Variants in VPS35L observed in about 807,000 individuals in gnomAD.
VPS35L encodes VPS35 endosomal protein-sorting factor-like.
VPS35L carries 83 observed loss-of-function variants against 133.0 expected under a neutral mutation model. The observed-to-expected ratio is 0.62, with a 90% confidence interval of 0.52 to 0.75. The LOEUF is 0.75. Ranked by LOEUF, VPS35L falls within the 30% of genes least tolerant of loss-of-function variation. The pLI is 0.00. For missense variants in VPS35L, 1,083 were observed against 1,206.8 expected (o/e 0.90, Z 1.52); for synonymous variants, 423 against 449.9 (o/e 0.94, Z 0.76).
intron 27 of VPS35L, among the ~76,000 whole-genome samples, chr16:19,680,088 C>T (rs1975215658): frequency 6.6e-6 from 1 of 152,168 alleles, no homozygotes; most frequent in Non-Finnish European, 1.5e-5. Context: ...ACTCTGGAGC[C>T]AAACTCCTGG....
intron 26 of VPS35L, among the ~76,000 whole-genome samples, chr16:19,659,007 C>G (rs1974395928): frequency 6.6e-6 from 1 of 152,222 alleles, no homozygotes; most frequent in Non-Finnish European, 1.5e-5. Flanking sequence ...GATTTAACCA[C>G]TGTGCCTCTC....
chr16:19,571,470 G>A (rs1372013883), intron 3 of VPS35L, among the ~76,000 whole-genome samples: 1 of 152,060 alleles, frequency 6.6e-6, no homozygotes, highest in Non-Finnish European at 1.5e-5. Flanking sequence ...TCCTGCCTTG[G>A]CCTACCAGAG....
At chr16:19,682,422 C>G in intron 28 of VPS35L, 32 bp downstream of exon 28, 4 of 1,590,858 alleles carry the variant, frequency 2.5e-6, no homozygotes. Flanking sequence ...AACCATGCTC[C>G]GCATGGATTT....
At chr16:19,684,370 A>T (rs1417355895) in intron 28 of VPS35L, among the ~76,000 whole-genome samples, 1 of 152,066 alleles carries the variant, frequency 6.6e-6, no homozygotes, top group Non-Finnish European at 1.5e-5. Flanking sequence ...TAAAAAACCA[A>T]CTCTACACTT....
At chr16:19,648,628 G>A (rs1974026992) in intron 24 of VPS35L, among the ~76,000 whole-genome samples, 1 of 152,128 alleles carries the variant, frequency 6.6e-6, no homozygotes, top group African/African-American at 2.4e-5. Context: ...AGCACTTTGG[G>A]AGTCTGAGGC....
intron 15 of VPS35L, among the ~76,000 whole-genome samples, chr16:19,626,473 T>A (rs1419960264): frequency 6.6e-6 from 1 of 152,094 alleles, no homozygotes; most frequent in Non-Finnish European, 1.5e-5. Flanking sequence ...GTAATAATAG[T>A]TCTTTCAACT....
intron 14 of VPS35L, among the ~76,000 whole-genome samples, chr16:19,623,016 C>T (rs116244275): frequency 0.012 from 1,893 of 152,234 alleles, 37 homozygotes; most frequent in African/African-American, 0.042. Context: ...CCAGGCATCA[C>T]GTCCAGAGCC....
At chr16:19,694,095 T>C (rs1157828737) in intron 29 of VPS35L, 2 of 152,180 alleles carry the variant, frequency 1.3e-5, no homozygotes, top group Non-Finnish European at 2.9e-5. Flanking sequence ...CTTGAAATGT[T>C]CTGTACACAT....
chr16:19,668,467 C>T (rs1974767730), intron 26 of VPS35L, among the ~76,000 whole-genome samples: 1 of 152,102 alleles, frequency 6.6e-6, no homozygotes, highest in South Asian at 2.1e-4. Context: ...CTCTCCACTC[C>T]TTTTCTTCCT....
intron 5 of VPS35L, among the ~76,000 whole-genome samples, chr16:19,577,896 C>A (rs1270727454): frequency 1.3e-5 from 2 of 152,218 alleles, no homozygotes; most frequent in African/African-American, 4.8e-5. Flanking sequence ...TGATCTTGGA[C>A]TTCCCAGCCT....
intron 4 of VPS35L, 45 bp from the exon 5 acceptor site, chr16:19,575,053 C>T (rs753062235): frequency 3.3e-6 from 5 of 1,514,814 alleles, no homozygotes; most frequent in Non-Finnish European, 4.5e-6. Flanking sequence ...AATGAACATA[C>T]TGCCTTCGAT....
At chr16:19,676,976 C>T (rs922737900) in intron 27 of VPS35L, among the ~76,000 whole-genome samples, 1 of 152,080 alleles carries the variant, frequency 6.6e-6, no homozygotes, top group Non-Finnish European at 1.5e-5. Flanking sequence ...TCTCAGGAGG[C>T]TGAGGCGGAA....
At chr16:19,595,793 A>G (rs1045622305) in intron 8 of VPS35L, among the ~76,000 whole-genome samples, 1 of 152,242 alleles carries the variant, frequency 6.6e-6, no homozygotes, top group Non-Finnish European at 1.5e-5. Flanking sequence ...AGTTGGGAAC[A>G]GCAGTGGTAA....
At chr16:19,591,106 C>A (rs1972029403) in intron 7 of VPS35L, among the ~76,000 whole-genome samples, 1 of 152,172 alleles carries the variant, frequency 6.6e-6, no homozygotes, top group South Asian at 2.1e-4. Flanking sequence ...AACATGTATT[C>A]ACTGAAGCTT....
intron 25 of VPS35L, among the ~76,000 whole-genome samples, chr16:19,651,497 ACCCAGC>A (rs1974121118): frequency 6.6e-6 from 1 of 152,024 alleles, no homozygotes. Flanking sequence ...GAGCCACCGC[ACCCAGC>A]CCTGCTCAGA....
chr16:19,583,572 A>G (rs1365458863), intron 7 of VPS35L, among the ~76,000 whole-genome samples: 2 of 152,014 alleles, frequency 1.3e-5, no homozygotes, highest in Admixed American at 6.6e-5. Context: ...AAAATACACA[A>G]TAAGCTGGGC....
chr16:19,569,182 C>G (rs1971282655), intron 2 of VPS35L: 154 of 638,588 alleles, frequency 2.4e-4, no homozygotes, highest in East Asian at 2.6e-4. Flanking sequence ...AGTCCAGTGA[C>G]CTCTCAATTA....
chr16:19,675,654 A>G (rs1470030834), intron 27 of VPS35L, among the ~76,000 whole-genome samples: 1 of 151,808 alleles, frequency 6.6e-6, no homozygotes, highest in African/African-American at 2.4e-5. Flanking sequence ...AGTTCAAGTG[A>G]TTTTCCTGCC....
intron 14 of VPS35L, among the ~76,000 whole-genome samples, chr16:19,622,451 A>G (rs1973116449): frequency 6.6e-6 from 1 of 151,774 alleles, no homozygotes; most frequent in Admixed American, 6.6e-5. Context: ...CCCCACGTAT[A>G]TCAAAATCCA....
Sources: allele counts gnomAD v4.1 joint callset (sites outside exome capture counted in the v4.1 genomes callset), GRCh38; gene constraint gnomAD v4.1.1; transcripts MANE v1.5; gene names NCBI Gene and HGNC (gene_info 2026-07-23, HGNC 2026-07-21).